PRKCE: variants seen among roughly 807,000 people sequenced by gnomAD.
The protein encoded by PRKCE is protein kinase C epsilon type.
A neutral mutation model predicts 85.4 loss-of-function variants in PRKCE; 16 were observed. The ratio of observed to expected loss-of-function variants is 0.19; its 90% CI spans 0.13 to 0.28. The LOEUF is 0.28. PRKCE is among the 10% of genes least tolerant of loss of function. The pLI is 1.00. For synonymous variants in PRKCE, 388 were observed against 371.5 expected, an observed-to-expected ratio of 1.04 and a Z score of -0.51; for missense variants, 573 against 975.2, an observed-to-expected ratio of 0.59 and a Z score of 5.49.
At chr2:45,992,040 C>G (rs1327466326) in intron 6 of PRKCE, among the ~76,000 whole-genome samples, 2 of 152,172 alleles carry the variant, frequency 1.3e-5, no homozygotes, top group Admixed American at 6.5e-5. Context: ...CTTTAGTTCT[C>G]TAGAAACTTG....
chr2:46,039,006 G>C (rs879478422), intron 10 of PRKCE, among the ~76,000 whole-genome samples: 7 of 152,150 alleles, frequency 4.6e-5, no homozygotes, highest in South Asian at 4.1e-4. Context: ...CTGAGATACT[G>C]TTAAAATGCA....
chr2:46,022,554 C>T (rs145750891), intron 10 of PRKCE, among the ~76,000 whole-genome samples: 269 of 152,308 alleles, frequency 1.8e-3, no homozygotes, highest in African/African-American at 6.2e-3. Flanking sequence ...ACCCATGTAA[C>T]CCGAATTTTT....
At chr2:46,084,475 G>A (rs1669388564) in intron 10 of PRKCE, among the ~76,000 whole-genome samples, 1 of 152,118 alleles carries the variant, frequency 6.6e-6, no homozygotes, top group Admixed American at 6.5e-5. Context: ...TATAATCCCA[G>A]CACTTTGGGA....
chr2:45,838,441 G>A (rs773201755), intron 1 of PRKCE, among the ~76,000 whole-genome samples: 22 of 152,184 alleles, frequency 1.4e-4, no homozygotes, highest in Non-Finnish European at 3.1e-4. Flanking sequence ...ACTAATGCAG[G>A]TAAGGTGCCA....
intron 3 of PRKCE, 146 bp downstream of exon 3, chr2:45,976,734 G>A: frequency 9.8e-7 from 1 of 1,017,874 alleles, no homozygotes; most frequent in Admixed American, 2.5e-5. Context: ...TATTATGGAA[G>A]GCTAAGTGTG....
intron 1 of PRKCE, among the ~76,000 whole-genome samples, chr2:45,809,638 C>T (rs564025353): frequency 6.6e-6 from 1 of 151,776 alleles, no homozygotes; most frequent in African/African-American, 2.4e-5. Context: ...AATCCCAGCC[C>T]TTCGGAAGGC....
chr2:45,997,197 TTCTC>T (rs143547506), intron 6 of PRKCE, among the ~76,000 whole-genome samples: 2 of 150,958 alleles, frequency 1.3e-5, no homozygotes, highest in Admixed American at 6.6e-5. Context: ...TGTCTTCTCT[TTCTC>T]TCTCTCTCTC....
intron 1 of PRKCE, among the ~76,000 whole-genome samples, chr2:45,817,876 C>T (rs947360486): frequency 1.3e-5 from 2 of 152,162 alleles, no homozygotes; most frequent in Non-Finnish European, 2.9e-5. Flanking sequence ...AGAGGAGCCA[C>T]GTGGGCATCT....
chr2:46,070,076 C>T (rs779237247), intron 10 of PRKCE, among the ~76,000 whole-genome samples: 12 of 152,198 alleles, frequency 7.9e-5, no homozygotes, highest in Non-Finnish European at 1.3e-4. Flanking sequence ...TTTACAGTGA[C>T]GTCCAGATGG....
At chr2:45,970,075 G>A (rs199926283) in intron 2 of PRKCE, among the ~76,000 whole-genome samples, 1 of 152,140 alleles carries the variant, frequency 6.6e-6, no homozygotes, top group South Asian at 2.1e-4. Context: ...AGGAGTTGCC[G>A]AATCAAAGGA....
At chr2:45,856,354 C>G (rs1692675649) in intron 2 of PRKCE, among the ~76,000 whole-genome samples, 2 of 152,136 alleles carry the variant, frequency 1.3e-5, no homozygotes, top group African/African-American at 4.8e-5. Context: ...CCTCAGCCTC[C>G]CGAGTAGCTG....
Position 46,085,746 on chromosome 2 carries a change from TTTGTTTTTG to T in PRKCE, c.1438-459_1438-451del, listed in dbSNP as rs1263138315. On this transcript the variant is annotated intron_variant, in intron 10 of 14. Transcript: ENST00000306156. ...ACATCTGCAAAATCCGTTTTTTTTTTTTGTTTTTGTTTTTTTTTTTTTTTTTAGCCATAT... is the reference window on the plus strand; with the variant it reads ...ACATCTGCAAAATCCGTTTTTTTTTTTTTTTTTTTTTTTTTTTAGCCATAT... Among the ~76,000 whole-genome samples the T allele has an allele frequency of 6.3e-4, 16 of 25,466 alleles. 2 individuals carry two copies. Among genetic ancestry groups the T allele is most frequent in the South Asian group, 1.1e-3 (1 of 874 alleles). 16.7% of individuals were successfully genotyped at this position (25,466 alleles called of 152,430 possible). A position where few individuals can be genotyped will look rare whatever the true frequency, so the allele number is the denominator to read the frequency against.
intron 2 of PRKCE, among the ~76,000 whole-genome samples, chr2:45,926,206 A>C (rs1486858012): frequency 6.6e-6 from 1 of 152,224 alleles, no homozygotes; most frequent in Non-Finnish European, 1.5e-5. Flanking sequence ...TGAGGCCTGC[A>C]ATGATATGCA....
intron 10 of PRKCE, among the ~76,000 whole-genome samples, chr2:46,086,002 G>C (rs1669603209): frequency 6.6e-6 from 1 of 152,186 alleles, no homozygotes; most frequent in South Asian, 2.1e-4. Flanking sequence ...GGCGGACAGA[G>C]AAAAAGTAAA....
chr2:45,914,383 A>G (rs1316779216), intron 2 of PRKCE, among the ~76,000 whole-genome samples: 1 of 152,162 alleles, frequency 6.6e-6, no homozygotes, highest in Non-Finnish European at 1.5e-5. Context: ...TGTCTCAACG[A>G]TGTGTGGTCC....
chr2:45,712,137 CTTTTTTTTTTT>C (rs34233761), intron 1 of PRKCE, among the ~76,000 whole-genome samples: 6 of 45,840 alleles, frequency 1.3e-4, no homozygotes, highest in East Asian at 8.5e-4. Context: ...ACGGCCTGTC[CTTTTTTTTTTT>C]TTTTTTTTTT....
chr2:46,161,439 G>A (rs997731051), intron 14 of PRKCE, among the ~76,000 whole-genome samples: 2 of 152,262 alleles, frequency 1.3e-5, no homozygotes, highest in African/African-American at 4.8e-5. Context: ...GACTGAAGCT[G>A]AGGGGATTAT....
chr2:45,738,533 CT>C (rs1452891818), intron 1 of PRKCE, among the ~76,000 whole-genome samples: 1 of 152,196 alleles, frequency 6.6e-6, no homozygotes, highest in Non-Finnish European at 1.5e-5. Flanking sequence ...CGTGTTTTCT[CT>C]TTCTTTTGGA....
chr2:45,703,238 A>G (rs1678822924), intron 1 of PRKCE, among the ~76,000 whole-genome samples: 1 of 152,078 alleles, frequency 6.6e-6, no homozygotes, highest in South Asian at 2.1e-4. Flanking sequence ...TTAAAGGAAT[A>G]ATCAAAACTC....
Sources: allele counts gnomAD v4.1 joint callset (sites outside exome capture counted in the v4.1 genomes callset), GRCh38; gene constraint gnomAD v4.1.1; transcripts MANE v1.5; gene names NCBI Gene and HGNC (gene_info 2026-07-23, HGNC 2026-07-21).